The following PHF3 variants were observed in gnomAD, a reference collection of about 807,000 sequenced individuals.
PHF3 encodes the protein PHD finger protein 3.
PHF3 carries 41 observed loss-of-function variants against 178.4 expected under a neutral mutation model. The ratio of observed to expected loss-of-function variants is 0.23; its 90% confidence interval spans 0.18 to 0.30. The LOEUF (loss-of-function observed/expected upper bound fraction) is 0.30. Among genes scored for constraint, PHF3 ranks in the 10% least tolerant of loss-of-function variants. The pLI is 1.00. For synonymous variants in PHF3, 842 were observed against 800.5 expected (o/e 1.05, Z -0.88); for missense variants, 2,346 against 2,398.1 (o/e 0.98, Z 0.45).
At chr6:63,656,467 G>A (rs892966613) in intron 2 of PHF3, among the ~76,000 whole-genome samples, 1 of 152,134 alleles carries the variant, frequency 6.6e-6, no homozygotes, top group Non-Finnish European at 1.5e-5. Flanking sequence ...GTTGCTGACT[G>A]TGTGTTTGTA....
At chr6:63,660,128 T>G (rs1186464042) in intron 2 of PHF3, among the ~76,000 whole-genome samples, 1 of 152,016 alleles carries the variant, frequency 6.6e-6, no homozygotes, top group Admixed American at 6.6e-5. Context: ...TGTGTGTTTG[T>G]AGGAAAGATG....
rs1561978693 is a variant in PHF3 at position 63,702,647 on chromosome 6, T to TA, written c.3231+9dup. The stretch of plus-strand genomic sequence containing the variant: ...GCAGCCATGGAGATTCAGGTAAGGA[T>TA]AGATATGCCATGTTTTATAGCTCAA... On this transcript the variant is annotated intron_variant, in intron 10 of 15. Transcript: ENST00000262043. 5 of 1,606,918 alleles carry TA rather than the reference T, an allele frequency of 3.1e-6. No individual in the cohort carries two copies. The highest frequency in any genetic ancestry group is 1.7e-4 in the Middle Eastern group (1 of 6,020).
chr6:63,655,848 G>A (rs972924313), intron 2 of PHF3, among the ~76,000 whole-genome samples: 4 of 151,932 alleles, frequency 2.6e-5, no homozygotes, highest in Admixed American at 2.6e-4. Context: ...TTGCTATGTT[G>A]CCCAGGCTGG....
At chr6:63,695,411 A>G (rs953949569) in intron 6 of PHF3, among the ~76,000 whole-genome samples, 3 of 152,186 alleles carry the variant, frequency 2.0e-5, no homozygotes, top group African/African-American at 7.2e-5. Flanking sequence ...TTTCAGGAAC[A>G]TTATTAGTAG....
Position 63,707,619 on chromosome 6 carries a change from C to T in PHF3, c.3711+743C>T, listed in dbSNP as rs116368165. 4.4e-3 allele frequency among the ~76,000 whole-genome samples: 668 copies of T among 151,808 alleles called. 7 individuals carry two copies. The highest frequency in any genetic ancestry group is 0.015 in the African/African-American group (639 of 41,366). On this transcript the variant is annotated intron_variant, in intron 13 of 15. Coordinates refer to ENST00000262043, the MANE Select transcript of PHF3 (RefSeq NM_001370348.2). ...TGAGATCATATTTTGCTATCTTGTT[C>T]GTATCTGACCTTTTTCATTTATTCT...
In PHF3 at chr6:63,711,853, C is replaced by T. The variant is rs776550529; in HGVS notation, c.4265C>T (p.Pro1422Leu). Residue 1422 changes from proline (P) to leucine (L), a missense_variant, in exon 16 of 16, where the codon CCA becomes CTA. Coordinates refer to ENST00000262043, the MANE Select transcript of PHF3 (RefSeq NM_001370348.2). Reference sequence around the variant, plus strand: ...CAGCAGAATCTTCAGGAAGACCTTCCAACAGCAGTTGAACCTTTAATGGAA... The same window carrying T: ...CAGCAGAATCTTCAGGAAGACCTTCTAACAGCAGTTGAACCTTTAATGGAA... The part of the protein sequence containing the change: ...KPQQNLQEDL[P>L]TAVEPLMEVT... The T allele has an allele frequency of 6.2e-7, 1 of 1,613,992 alleles. No homozygotes were observed. Among genetic ancestry groups the T allele is most frequent in the African/African-American group, 1.3e-5 (1 of 75,004 alleles).
chr6:63,698,122 A>G (rs917667506), intron 6 of PHF3, 101 bp from the exon 7 acceptor site: 7 of 913,100 alleles, frequency 7.7e-6, no homozygotes, highest in Non-Finnish European at 1.1e-5. Flanking sequence ...TCTTATTTCT[A>G]AATAGTGACT....
At position 63,716,732 on chromosome 6, in the gene PHF3, T is replaced by C. The variant is rs1465111970; in HGVS notation, c.*3024T>C. ...GAGGGCACCCAATTTCCTTGGCTCA[T>C]GATCCCTTCCTCCATATTTGAAGCC... On this transcript the variant is annotated 3_prime_UTR_variant, in exon 16 of 16. Coordinates refer to ENST00000262043, the MANE Select transcript of PHF3 (RefSeq NM_001370348.2). Among the ~76,000 whole-genome samples, 8 of 151,988 alleles carry C rather than the reference T, an allele frequency of 5.3e-5. No individual in the cohort carries two copies.
chr6:63,703,141 G>A (rs745753801), intron 10 of PHF3, among the ~76,000 whole-genome samples: 1 of 152,204 alleles, frequency 6.6e-6, no homozygotes, highest in African/African-American at 2.4e-5. Flanking sequence ...GCCTCCCAAA[G>A]TGTGGGGATC....
At position 63,711,666 on chromosome 6, in the gene PHF3, A is replaced by G. The variant is rs1767931839; in HGVS notation, c.4078A>G (p.Ser1360Gly). 2.5e-6 allele frequency: 4 copies of G among 1,612,666 alleles called. No homozygotes were observed. In the African/African-American group the frequency reaches 4.0e-5, roughly 16 times the overall value. The change falls in exon 16 of 16, where the codon AGT becomes GGT. Residue 1360 changes from serine (S) to glycine (G), a missense_variant. Physicochemically the swap from Ser to Gly is moderately conservative, Grantham distance 56. Transcript: ENST00000262043. ...GAAGCGACAGCACAGTGCCTGTGCT[A>G]GTACTAGTCATATAGCTGAGACTCC... ...KLKRQHSACA[S>G]TSHIAETPES...
chr6:63,641,586 A>T (rs868148351), intron 1 of PHF3, among the ~76,000 whole-genome samples: 2 of 150,832 alleles, frequency 1.3e-5, no homozygotes, highest in African/African-American at 2.4e-5. Context: ...AAATAATAGG[A>T]TAGAATTCAT....
At position 63,712,875 on chromosome 6, in the gene PHF3, T is replaced by C. The variant is rs1768018615; in HGVS notation, c.5287T>C (p.Ser1763Pro). 1.2e-6 allele frequency: 2 copies of C among 1,613,986 alleles called. No homozygotes were observed. The highest frequency in any genetic ancestry group is 1.7e-6 in the Non-Finnish European group (2 of 1,179,962). Reference sequence around the variant, plus strand: ...TCGAAGAGGATCAGCAGTAGCGACATCTCATTTTGAAGTTGGAAACACATG... The same window carrying C: ...TCGAAGAGGATCAGCAGTAGCGACACCTCATTTTGAAGTTGGAAACACATG... ...PFRRGSAVAT[S>P]HFEVGNTCPS... Residue 1763 changes from serine (S) to proline (P), a missense_variant, in exon 16 of 16, where the codon TCT becomes CCT. Around this residue, in one of 8 missense-constraint regions of PHF3, gnomAD observed 839 missense variants for 806.9 expected, o/e 1.04. Transcript: ENST00000262043.
chr6:63,658,739 T>C (rs1310807865), intron 2 of PHF3, among the ~76,000 whole-genome samples: 2 of 150,514 alleles, frequency 1.3e-5, no homozygotes, highest in Non-Finnish European at 3.0e-5. Flanking sequence ...TGTGTGTGTG[T>C]GTGTGTGTGT....
At chr6:63,657,821 C>A (rs1459949293) in intron 2 of PHF3, among the ~76,000 whole-genome samples, 1 of 152,122 alleles carries the variant, frequency 6.6e-6, no homozygotes, top group Non-Finnish European at 1.5e-5. Context: ...TGTGTGCTTT[C>A]CCCAAAGGTC....
At chr6:63,652,543 C>G (rs1765061867) in intron 2 of PHF3, among the ~76,000 whole-genome samples, 1 of 152,014 alleles carries the variant, frequency 6.6e-6, no homozygotes, top group Non-Finnish European at 1.5e-5. Flanking sequence ...TTAGTTTGAT[C>G]TAATCCCAAT....
chr6:63,684,844 T>C lies in PHF3; in HGVS notation c.1122T>C (p.Asn374=), dbSNP rs756521354. The C allele has an allele frequency of 1.2e-6, 2 of 1,613,410 alleles. No homozygotes were observed. The highest frequency in any genetic ancestry group is 4.5e-5 in the East Asian group (2 of 44,822). ...GTGTAGATGAAGTGACTGAATGTAA[T>C]TTGGAATTGAAGGATACCATGGGTA... ...PSCVDEVTEC[N]LELKDTMGIA... Residue 374 remains asparagine, a synonymous_variant, in exon 4 of 16, where the codon AAT becomes AAC. Transcript: ENST00000262043.
At position 63,691,816 on chromosome 6, in the gene PHF3, A is replaced by G. The variant is rs772060518; in HGVS notation, c.2269A>G (p.Met757Val). The G allele has an allele frequency of 6.2e-7, 1 of 1,613,738 alleles. No individual in the cohort carries two copies. Reference sequence around the variant, plus strand: ...GTTAAGTCTTTCTCAAGCACAGCAGATGGGCGAGGAAGACAAAGAATATGT... The same window carrying G: ...GTTAAGTCTTTCTCAAGCACAGCAGGTGGGCGAGGAAGACAAAGAATATGT... ...VGLSLSQAQQ[M>V]GEEDKEYVCV... The change falls in exon 5 of 16, where the codon ATG becomes GTG. Residue 757 changes from methionine (M) to valine (V), a missense_variant. By Grantham distance (21) the Met-to-Val change is conservative. Transcript: ENST00000262043.
At chr6:63,690,894 G>A (rs995772578) in intron 4 of PHF3, among the ~76,000 whole-genome samples, 35 of 152,044 alleles carry the variant, frequency 2.3e-4, no homozygotes, top group African/African-American at 8.0e-4. Flanking sequence ...AGAGTCATAC[G>A]TTTCACATCC....
At position 63,685,037 on chromosome 6, in the gene PHF3, G is replaced by A; in HGVS notation, c.1315G>A (p.Ala439Thr). ...ACCGGAAAGTAATATCTTGGAAAAT[G>A]CTATTTGTGATGTGCCTGACCAAAA... ...FGPESNILENAICDVPDQNSK... is the reference protein window; with the variant it reads ...FGPESNILENTICDVPDQNSK... The change falls in exon 4 of 16, where the codon GCT becomes ACT. Residue 439 changes from alanine to threonine, a missense_variant. Transcript: ENST00000262043. The A allele has an allele frequency of 2.5e-6, 4 of 1,614,076 alleles. No homozygotes were observed. In the East Asian group the frequency reaches 6.7e-5, roughly 27 times the overall value.
Sources: gnomAD v4.1 joint callset for allele counts (sites outside exome capture counted in the v4.1 genomes callset) on GRCh38, gnomAD v4.1.1 for gene constraint, gnomAD v4.1.1 regional missense constraint, MANE v1.5 for transcripts, NCBI Gene and HGNC (gene_info 2026-07-23, HGNC 2026-07-21) for gene names.